The following NRXN3 variants were observed in gnomAD, a reference collection of about 807,000 sequenced individuals.
NRXN3 encodes neurexin 3, also known as neurexin III.
NRXN3 carries 32 observed loss-of-function variants against 137.6 expected under a neutral mutation model. The observed-to-expected ratio is 0.23, with a 90% CI of 0.18 to 0.31. The LOEUF is 0.31. Ranked by LOEUF, NRXN3 falls within the 10% of genes least tolerant of loss-of-function variation. The pLI, the probability that NRXN3 is intolerant of heterozygous loss-of-function variation, is 1.00. For synonymous variants in NRXN3, 798 were observed against 784.5 expected (o/e 1.02, Z -0.29); for missense variants, 1,574 against 2,062.5 (o/e 0.76, Z 4.59).
chr14:79,279,512 C>T (rs901514636), intron 15 of NRXN3: 1 of 986,316 alleles, frequency 1.0e-6, no homozygotes, highest in Non-Finnish European at 1.2e-6. Context: ...CCCTCCACCC[C>T]GTGCCACGTT....
At chr14:78,630,764 C>G (rs113679306) in intron 4 of NRXN3, among the ~76,000 whole-genome samples, 1 of 152,108 alleles carries the variant, frequency 6.6e-6, no homozygotes, top group Non-Finnish European at 1.5e-5. Flanking sequence ...GCCACAACAC[C>G]CAGCTACTTT....
At chr14:78,688,282 G>C (rs1362909904) in intron 6 of NRXN3, among the ~76,000 whole-genome samples, 1 of 152,100 alleles carries the variant, frequency 6.6e-6, no homozygotes, top group Non-Finnish European at 1.5e-5. Flanking sequence ...AACAGGTAGA[G>C]ATCTTACAGA....
At chr14:79,494,930 G>T (rs2153662466) in intron 16 of NRXN3, among the ~76,000 whole-genome samples, 1 of 152,180 alleles carries the variant, frequency 6.6e-6, no homozygotes, top group East Asian at 1.9e-4. Context: ...CTTCTAATTT[G>T]TGATAATCTA....
At chr14:78,671,861 T>C (rs1211072892) in intron 6 of NRXN3, among the ~76,000 whole-genome samples, 1 of 152,194 alleles carries the variant, frequency 6.6e-6, no homozygotes, top group Non-Finnish European at 1.5e-5. Context: ...CCTCATAGAT[T>C]TGTAACTTTG....
intron 1 of NRXN3, among the ~76,000 whole-genome samples, chr14:78,188,915 A>G (rs2060474713): frequency 6.6e-6 from 1 of 152,120 alleles, no homozygotes; most frequent in Non-Finnish European, 1.5e-5. Context: ...CACTTTGTGT[A>G]TGCATCTGCT....
chr14:78,987,617 T>C (rs1271071659), intron 14 of NRXN3, among the ~76,000 whole-genome samples: 2 of 152,110 alleles, frequency 1.3e-5, no homozygotes, highest in African/African-American at 4.8e-5. Flanking sequence ...GGTTTCAGGA[T>C]TAAAAAAACA....
intron 4 of NRXN3, among the ~76,000 whole-genome samples, chr14:78,455,948 G>A (rs1005396567): frequency 3.3e-5 from 5 of 152,184 alleles, no homozygotes; most frequent in Admixed American, 6.5e-5. Flanking sequence ...GTTTGGGAAA[G>A]CCTTAGTCTT....
intron 19 of NRXN3, among the ~76,000 whole-genome samples, chr14:79,729,986 A>C (rs2154070938): frequency 6.6e-6 from 1 of 152,268 alleles, no homozygotes; most frequent in Non-Finnish European, 1.5e-5. Flanking sequence ...TAGTCAGAGA[A>C]GCACTTCTGT....
chr14:79,555,469 G>A (rs1427712685), intron 16 of NRXN3, among the ~76,000 whole-genome samples: 5 of 152,128 alleles, frequency 3.3e-5, no homozygotes, highest in African/African-American at 4.8e-5. Context: ...AGGATGATTC[G>A]ATGTTTGCCC....
chr14:78,532,104 A>G (rs2096469469), intron 4 of NRXN3, among the ~76,000 whole-genome samples: 2 of 151,314 alleles, frequency 1.3e-5, no homozygotes, highest in South Asian at 2.1e-4. Context: ...TGGAAGTTCA[A>G]GACTAGCCTG....
intron 4 of NRXN3, among the ~76,000 whole-genome samples, chr14:78,457,878 C>G (rs536491522): frequency 5.0e-4 from 76 of 152,252 alleles, no homozygotes; most frequent in African/African-American, 1.7e-3. Context: ...CATTAGTTCT[C>G]TGAATCCTGA....
intron 4 of NRXN3, among the ~76,000 whole-genome samples, chr14:78,588,467 C>T (rs1471255254): frequency 2.0e-5 from 3 of 152,176 alleles, no homozygotes; most frequent in Non-Finnish European, 4.4e-5. Context: ...TTCCACTTCT[C>T]CTGGGCTCCT....
chr14:79,276,798 C>G (rs558917251), intron 15 of NRXN3, among the ~76,000 whole-genome samples: 35 of 151,742 alleles, frequency 2.3e-4, no homozygotes, highest in African/African-American at 8.2e-4. Context: ...ATTCACACTG[C>G]TAAAGCCAGA....
At chr14:79,016,268 C>G (rs771307113) in intron 15 of NRXN3, among the ~76,000 whole-genome samples, 16 of 152,156 alleles carry the variant, frequency 1.1e-4, no homozygotes, top group Non-Finnish European at 1.9e-4. Flanking sequence ...ACACTTCTGG[C>G]TCAATTTGTT....
chr14:79,718,474 T>C (rs756276967), intron 19 of NRXN3, among the ~76,000 whole-genome samples: 1 of 152,238 alleles, frequency 6.6e-6, no homozygotes, highest in African/African-American at 2.4e-5. Context: ...ATGTGACTTA[T>C]GTTTTTTAAA....
intron 4 of NRXN3, among the ~76,000 whole-genome samples, chr14:78,597,560 C>T (rs12890127): frequency 6.6e-6 from 1 of 152,160 alleles, no homozygotes; most frequent in African/African-American, 2.4e-5. Context: ...CTCAATCTGG[C>T]TCTGCCATTC....
At chr14:78,745,614 T>A (rs1186847584) in intron 8 of NRXN3, among the ~76,000 whole-genome samples, 2 of 152,212 alleles carry the variant, frequency 1.3e-5, no homozygotes, top group Non-Finnish European at 2.9e-5. Flanking sequence ...CGTTTGCCTC[T>A]TTTCCAGACT....
chr14:78,891,307 T>C (rs60924894), intron 10 of NRXN3, among the ~76,000 whole-genome samples: 11,724 of 151,984 alleles, frequency 0.077, 733 homozygotes, highest in African/African-American at 0.16. Context: ...AACTAAAACT[T>C]AGAGAAGATA....
At chr14:78,518,029 A>C (rs920348128) in intron 4 of NRXN3, among the ~76,000 whole-genome samples, 9 of 152,182 alleles carry the variant, frequency 5.9e-5, no homozygotes, top group African/African-American at 2.2e-4. Context: ...GGAGTTGCAA[A>C]TAGAGGAATC....
Sources: allele counts gnomAD v4.1 joint callset (sites outside exome capture counted in the v4.1 genomes callset), GRCh38; gene constraint gnomAD v4.1.1; transcripts MANE v1.5; gene names NCBI Gene and HGNC (gene_info 2026-07-23, HGNC 2026-07-21).